The following MDGA2 variants were observed in gnomAD, a reference collection of about 807,000 sequenced individuals.
MDGA2 encodes the protein MAM domain-containing glycosylphosphatidylinositol anchor protein 2.
In MDGA2, 40 loss-of-function variants were observed where a neutral mutation model predicts 117.8. The ratio of observed to expected loss-of-function variants is 0.34; its 90% CI spans 0.26 to 0.44. The LOEUF is 0.44. Among genes scored for constraint, MDGA2 ranks in the 20% least tolerant of loss-of-function variants. The probability of loss-of-function intolerance (pLI) is 1.00; values close to 1 mark genes in which losing one functional copy is unlikely to be tolerated. For synonymous variants in MDGA2, 452 were observed against 439.0 expected (o/e 1.03, Z -0.37); for missense variants, 1,123 against 1,250.6 (o/e 0.90, Z 1.54).
At chr14:47,513,995 A>AGCCTACT (rs1894698640) in intron 1 of MDGA2, among the ~76,000 whole-genome samples, 2 of 152,164 alleles carry the variant, frequency 1.3e-5, no homozygotes, top group Non-Finnish European at 2.9e-5. Context: ...AGTAGGCTAA[A>AGCCTACT]ACATTATGTA....
In MDGA2 at chr14:47,493,214, G is replaced by A. The variant is rs572971124; in HGVS notation, c.280+181303C>T. On this transcript the variant is annotated intron_variant, in intron 1 of 16. Coordinates refer to ENST00000399232, the MANE Select transcript of MDGA2 (RefSeq NM_001113498.3). ...ATCCAGTTATTCCCCATCTCTGAAA[G>A]AATTGAATAGACATGTACAATATTA... Among the ~76,000 whole-genome samples, 76 of 151,094 alleles carry A rather than the reference G, an allele frequency of 5.0e-4. 1 individual carries two copies. The highest frequency in any genetic ancestry group is 1.7e-3 in the African/African-American group (71 of 41,310).
chr14:47,454,397 GGAATGA>G (rs1310092082), intron 1 of MDGA2, among the ~76,000 whole-genome samples: 3 of 152,076 alleles, frequency 2.0e-5, no homozygotes, highest in Admixed American at 6.6e-5. Flanking sequence ...TATAGGAAGA[GGAATGA>G]CTGGGCCATG....
chr14:47,579,707 T>C (rs1896191675), intron 1 of MDGA2, among the ~76,000 whole-genome samples: 1 of 151,992 alleles, frequency 6.6e-6, no homozygotes, highest in African/African-American at 2.4e-5. Context: ...TTGGAAGACA[T>C]CTAAAAATAA....
chr14:47,096,037 C>CT (rs1384365474), intron 6 of MDGA2, among the ~76,000 whole-genome samples: 1 of 151,996 alleles, frequency 6.6e-6, no homozygotes, highest in African/African-American at 2.4e-5. Flanking sequence ...CTCAGAACTT[C>CT]TTTCCATCTT....
intron 1 of MDGA2, among the ~76,000 whole-genome samples, chr14:47,633,283 C>G (rs906391461): frequency 3.3e-5 from 5 of 152,020 alleles, no homozygotes; most frequent in African/African-American, 1.2e-4. Context: ...TTCTGGACAC[C>G]TGACACAGAG....
intron 1 of MDGA2, among the ~76,000 whole-genome samples, chr14:47,398,550 A>C (rs1416614107): frequency 6.6e-6 from 1 of 152,300 alleles, no homozygotes; most frequent in South Asian, 2.1e-4. Context: ...AATGATAGTT[A>C]TTGTTAAACT....
In MDGA2 at chr14:46,847,934, C is replaced by A. The variant is rs147022724; in HGVS notation, c.2884-2063G>T. 2.6e-3 allele frequency among the ~76,000 whole-genome samples: 401 copies of A among 152,074 alleles called. 6 individuals carry two copies. The highest frequency in any genetic ancestry group is 9.4e-3 in the African/African-American group (389 of 41,520). On this transcript the variant is annotated intron_variant, in intron 15 of 16. Transcript: ENST00000399232. ...GTTTTTAAGTCTTGGGGTATATTTT[C>A]CCTCTTTGATATGTGTCCCTTACCT...
chr14:47,486,952 T>C (rs1053797588), intron 1 of MDGA2, among the ~76,000 whole-genome samples: 1 of 152,226 alleles, frequency 6.6e-6, no homozygotes, highest in Non-Finnish European at 1.5e-5. Flanking sequence ...AGCAAATTAA[T>C]ACTGTGGGTT....
chr14:47,036,194 C>T (rs758951096), intron 7 of MDGA2, among the ~76,000 whole-genome samples: 54 of 141,916 alleles, frequency 3.8e-4, no homozygotes, highest in Non-Finnish European at 6.0e-4. Context: ...GGTGTGAACC[C>T]GGGAGGCGGA....
At chr14:46,852,848 A>G (rs963621414) in intron 15 of MDGA2, among the ~76,000 whole-genome samples, 1 of 151,920 alleles carries the variant, frequency 6.6e-6, no homozygotes, top group Non-Finnish European at 1.5e-5. Flanking sequence ...TAACTCAACT[A>G]TCTTCCCTGA....
chr14:47,162,072 A>T (rs61995375), intron 3 of MDGA2, among the ~76,000 whole-genome samples: 27,546 of 150,274 alleles, frequency 0.18, 2,751 homozygotes, highest in Non-Finnish European at 0.19. Context: ...TAGCCTCCCA[A>T]GTAGCTGGGA....
At chr14:47,282,546 A>ACACT (rs1322268291) in intron 2 of MDGA2, among the ~76,000 whole-genome samples, 2 of 151,468 alleles carry the variant, frequency 1.3e-5, no homozygotes, top group Middle Eastern at 3.4e-3. Flanking sequence ...ACACACACAC[A>ACACT]AATTAGCCGG....
chr14:47,609,476 T>G (rs2138900407), intron 1 of MDGA2, among the ~76,000 whole-genome samples: 1 of 128,108 alleles, frequency 7.8e-6, no homozygotes, highest in Admixed American at 7.8e-5. Flanking sequence ...AGTTTCTTTA[T>G]CTACTTGTTG....
intron 1 of MDGA2, among the ~76,000 whole-genome samples, chr14:47,586,449 G>T (rs1380472059): frequency 1.3e-5 from 2 of 151,818 alleles, no homozygotes; most frequent in Non-Finnish European, 2.9e-5. Context: ...GATGATCTTA[G>T]AAAGCTTAGA....
At chr14:47,364,371 T>A (rs1014795554) in intron 1 of MDGA2, among the ~76,000 whole-genome samples, 3 of 152,134 alleles carry the variant, frequency 2.0e-5, no homozygotes, top group Non-Finnish European at 2.9e-5. Context: ...TTCACGTCAT[T>A]CTCCTGCCTC....
chr14:47,208,154 ACT>A (rs1191233535), intron 3 of MDGA2, among the ~76,000 whole-genome samples: 8 of 151,870 alleles, frequency 5.3e-5, no homozygotes, highest in Non-Finnish European at 1.5e-5. Flanking sequence ...TGGCTTTTTT[ACT>A]CTCTCTGAGA....
At chr14:46,970,862 A>G (rs2138330377) in intron 8 of MDGA2, among the ~76,000 whole-genome samples, 1 of 152,278 alleles carries the variant, frequency 6.6e-6, no homozygotes, top group South Asian at 2.1e-4. Context: ...AAATCTCATT[A>G]AAAGTGGCCT....
rs116456112 is a variant in MDGA2, at chr14:46,908,009, T to C, written c.2238+12003A>G. 4.6e-3 allele frequency among the ~76,000 whole-genome samples: 700 copies of C among 152,250 alleles called. 2 individuals carry two copies. Among genetic ancestry groups the C allele is most frequent in the African/African-American group, 0.016 (645 of 41,558 alleles). On this transcript the variant is annotated intron_variant, in intron 10 of 16. Coordinates refer to ENST00000399232, the MANE Select transcript of MDGA2 (RefSeq NM_001113498.3). ...GCAACAAAAAGAGTTGCAGGCACCA[T>C]TGTGTTACATTGATATAAGTCCCCA...
At chr14:47,556,598 C>G (rs148566900) in intron 1 of MDGA2, among the ~76,000 whole-genome samples, 2 of 152,170 alleles carry the variant, frequency 1.3e-5, no homozygotes, top group African/African-American at 4.8e-5. Flanking sequence ...CCAGCTGGAA[C>G]AGCCTGGTCA....
Sources: gnomAD v4.1 joint callset for allele counts (sites outside exome capture counted in the v4.1 genomes callset) on GRCh38, gnomAD v4.1.1 for gene constraint, MANE v1.5 for transcripts, NCBI Gene and HGNC (gene_info 2026-07-23, HGNC 2026-07-21) for gene names.